Variants in SHANK2 observed in about 807,000 individuals in gnomAD.
SHANK2 encodes the protein SH3 and multiple ankyrin repeat domains protein 2.
In SHANK2, 43 loss-of-function variants were observed where a neutral mutation model predicts 133.7. That is an observed-to-expected ratio of 0.32 (90% confidence interval 0.25 to 0.41). The LOEUF (loss-of-function observed/expected upper bound fraction) is 0.41, where lower values mean the gene tolerates loss of function less well. Among genes scored for constraint, SHANK2 ranks in the 10% least tolerant of loss-of-function variants. SHANK2 has a pLI of 1.00. For missense variants in SHANK2, 1,994 were observed against 2,235.8 expected (o/e 0.89, Z 2.18); for synonymous variants, 1,017 against 952.8 (o/e 1.07, Z -1.24).
intron 11 of SHANK2, among the ~76,000 whole-genome samples, chr11:70,837,074 A>G (rs782110271): frequency 6.6e-6 from 1 of 152,204 alleles, no homozygotes; most frequent in Non-Finnish European, 1.5e-5. Context: ...TTAAGATCCA[A>G]TCAAGGCTGG....
chr11:71,089,704 G>C (rs1951473429), intron 8 of SHANK2, among the ~76,000 whole-genome samples: 2 of 152,188 alleles, frequency 1.3e-5, no homozygotes, highest in South Asian at 4.1e-4. Flanking sequence ...AGCGTGGTCA[G>C]GCCAGGAGAC....
At chr11:70,821,120 T>C (rs782501484) in intron 11 of SHANK2, among the ~76,000 whole-genome samples, 1 of 152,190 alleles carries the variant, frequency 6.6e-6, no homozygotes, top group Non-Finnish European at 1.5e-5. Context: ...GTCCCCCAAG[T>C]TCGTGTGTTG....
rs191591286 is a variant in SHANK2, at chr11:70,610,893, C to T, written c.2061+48935G>A. Among the ~76,000 whole-genome samples the T allele has an allele frequency of 5.3e-5, 8 of 152,326 alleles. No individual in the cohort carries two copies. The East Asian group carries it at 1.2e-3, about 22-fold the overall frequency. ...CGGAAATCTTTCTGAGCTCAAAACTCTCTGAATTTGAAAAACAAATGGTCC... is the reference window on the plus strand; with the variant it reads ...CGGAAATCTTTCTGAGCTCAAAACTTTCTGAATTTGAAAAACAAATGGTCC... On this transcript the variant is annotated intron_variant, in intron 17 of 25. Transcript: ENST00000601538.
chr11:70,688,613 C>T (rs1402009781), intron 15 of SHANK2, among the ~76,000 whole-genome samples: 20 of 152,286 alleles, frequency 1.3e-4, no homozygotes, highest in Non-Finnish European at 2.6e-4. Flanking sequence ...CTCAAAGCTC[C>T]GTGACAGAGG....
chr11:70,725,321 T>C, intron 14 of SHANK2, among the ~76,000 whole-genome samples: 1 of 152,224 alleles, frequency 6.6e-6, no homozygotes. Context: ...ATATTTAAAA[T>C]GAATCATTTT....
chr11:71,092,496 A>C lies in SHANK2; in HGVS notation c.838T>G (p.Cys280Gly). 6.4e-7 allele frequency: 1 copy of C among 1,551,782 alleles called. No homozygotes were observed. Among genetic ancestry groups the C allele is most frequent in the South Asian group, 1.2e-5 (1 of 84,058 alleles). The part of the protein sequence containing the change: ...HTAIVGGDPY[C>G]CELLLHEHAT... The stretch of plus-strand genomic sequence containing the variant: ...TGTTCGTGCAGGAGAAGCTCGCAGC[A>C]GTAGGGATCACCTCCGACGATGGCT... The change falls in exon 8 of 26, where the codon TGC (cysteine) becomes GGC (glycine). Residue 280 changes from cysteine (C) to glycine (G), a missense_variant. By Grantham distance (159) the Cys-to-Gly change is radical. This residue lies in a region of SHANK2 where 653 missense variants were observed against 563.4 expected (regional missense o/e 1.16). Coordinates refer to ENST00000601538, the MANE Select transcript of SHANK2 (RefSeq NM_012309.5).
At chr11:71,192,302 G>T (rs1183702793) in intron 2 of SHANK2, among the ~76,000 whole-genome samples, 1 of 152,196 alleles carries the variant, frequency 6.6e-6, no homozygotes, top group Non-Finnish European at 1.5e-5. Context: ...GGAATTCAGG[G>T]AGGGGACACA....
chr11:70,826,436 T>C (rs1301392978), intron 11 of SHANK2: 2 of 470,906 alleles, frequency 4.2e-6, no homozygotes, highest in Non-Finnish European at 8.8e-6. Context: ...CTAATTCCCA[T>C]GCACCCGGCT....
intron 9 of SHANK2, among the ~76,000 whole-genome samples, chr11:71,064,076 C>G (rs1951018301): frequency 6.6e-6 from 1 of 152,186 alleles, no homozygotes; most frequent in Non-Finnish European, 1.5e-5. Context: ...CAGACCCCAT[C>G]ATTTCCATTT....
intron 11 of SHANK2, among the ~76,000 whole-genome samples, chr11:70,888,537 G>A (rs545690802): frequency 1.5e-4 from 23 of 152,298 alleles, no homozygotes; most frequent in African/African-American, 3.6e-4. Context: ...GAGTAGGGCC[G>A]AGCGCGGTGG....
intron 3 of SHANK2, among the ~76,000 whole-genome samples, chr11:71,125,697 T>C (rs782604514): frequency 1.3e-5 from 2 of 152,216 alleles, no homozygotes; most frequent in Admixed American, 6.5e-5. Flanking sequence ...GCTCAGATCA[T>C]TGATGAAGGC....
chr11:70,621,817 C>T (rs73523846), intron 17 of SHANK2, among the ~76,000 whole-genome samples: 1 of 152,120 alleles, frequency 6.6e-6, no homozygotes, highest in Non-Finnish European at 1.5e-5. Context: ...CATAAATGAT[C>T]CCAGAAAAGC....
chr11:70,643,709 T>C (rs1555007209), intron 17 of SHANK2, among the ~76,000 whole-genome samples: 1 of 152,190 alleles, frequency 6.6e-6, no homozygotes, highest in Admixed American at 6.5e-5. Context: ...TACGTTGGCA[T>C]TGTTTTTGGT....
At chr11:70,746,648 C>T (rs1170854411) in intron 14 of SHANK2, among the ~76,000 whole-genome samples, 1 of 152,180 alleles carries the variant, frequency 6.6e-6, no homozygotes, top group Admixed American at 6.5e-5. Flanking sequence ...TTCAGGGTCA[C>T]CCCTAGGAGG....
intron 17 of SHANK2, among the ~76,000 whole-genome samples, chr11:70,520,955 T>G (rs566274031): frequency 2.6e-5 from 4 of 152,248 alleles, no homozygotes; most frequent in Non-Finnish European, 5.9e-5. Context: ...TGCTCTAGGC[T>G]GCTACCTTTT....
chr11:70,735,219 C>T (rs564102747), intron 14 of SHANK2, among the ~76,000 whole-genome samples: 62 of 152,320 alleles, frequency 4.1e-4, no homozygotes, highest in African/African-American at 1.1e-3. Flanking sequence ...AGGACAGAGG[C>T]GCACCTTGTG....
intron 9 of SHANK2, among the ~76,000 whole-genome samples, chr11:71,072,387 T>C (rs1951154566): frequency 2.0e-5 from 3 of 152,230 alleles, no homozygotes; most frequent in Non-Finnish European, 4.4e-5. Flanking sequence ...TCATTTAGGA[T>C]GCAGCCTCCC....
intron 17 of SHANK2, among the ~76,000 whole-genome samples, chr11:70,524,368 C>T (rs1296254753): frequency 2.0e-5 from 3 of 152,240 alleles, no homozygotes; most frequent in Admixed American, 6.5e-5. Flanking sequence ...TATGGACTAT[C>T]TTCAACTTAA....
intron 10 of SHANK2, among the ~76,000 whole-genome samples, chr11:70,907,150 T>A (rs1950116668): frequency 6.6e-6 from 1 of 152,158 alleles, no homozygotes; most frequent in South Asian, 2.1e-4. Context: ...TGGGAAGCTA[T>A]TGTAGGAGCA....
Sources: gnomAD v4.1 joint callset for allele counts (sites outside exome capture counted in the v4.1 genomes callset) on GRCh38, gnomAD v4.1.1 for gene constraint, gnomAD v4.1.1 regional missense constraint, MANE v1.5 for transcripts, NCBI Gene and HGNC (gene_info 2026-07-23, HGNC 2026-07-21) for gene names.